The following LIN28B variants were observed in gnomAD, a reference collection of about 807,000 sequenced individuals.
The protein encoded by LIN28B is lin-28 RNA binding posttranscriptional regulator B.
A neutral mutation model predicts 21.9 loss-of-function variants in LIN28B; 5 were observed. That is an observed-to-expected ratio of 0.23 (90% CI 0.12 to 0.48). The LOEUF is 0.48. Ranked by LOEUF, LIN28B falls within the 20% of genes least tolerant of loss-of-function variation. The probability of loss-of-function intolerance (pLI) is 0.98; values close to 1 mark genes in which losing one functional copy is unlikely to be tolerated. For synonymous variants in LIN28B, 109 were observed against 111.3 expected (o/e 0.98, Z 0.13); for missense variants, 245 against 310.5 (o/e 0.79, Z 1.58).
At chr6:104,991,572 G>A (rs1360475969) in intron 2 of LIN28B, among the ~76,000 whole-genome samples, 1 of 152,034 alleles carries the variant, frequency 6.6e-6, no homozygotes, top group Non-Finnish European at 1.5e-5. Context: ...CAGAAGATGG[G>A]CGGCCGGGCA....
rs1255851109 is a variant in LIN28B, at chr6:105,079,619, T to G, written c.*836T>G. The G allele has an allele frequency of 6.6e-6, 1 of 152,620 alleles. No homozygotes were observed. Among genetic ancestry groups the G allele is most frequent in the African/African-American group, 2.4e-5 (1 of 41,442 alleles). The allele number at this position is 152,620 out of a possible 1,614,324, so 9.5% of individuals were successfully genotyped here. ...TTAGTGGCTTGTTTTCAGTAGTATT[T>G]TAATATCAGCTTCTTGTAACCTTTT... On this transcript the variant is annotated 3_prime_UTR_variant, in exon 4 of 4. Transcript: ENST00000345080.
At chr6:105,023,567 A>T (rs868657034) in intron 2 of LIN28B, among the ~76,000 whole-genome samples, 3 of 32,228 alleles carry the variant, frequency 9.3e-5, no homozygotes, top group African/African-American at 5.0e-4. Context: ...ATATATATAT[A>T]ATATATATAA....
intron 3 of LIN28B, among the ~76,000 whole-genome samples, chr6:105,027,411 T>A (rs1016793563): frequency 6.6e-6 from 1 of 152,108 alleles, no homozygotes; most frequent in Non-Finnish European, 1.5e-5. Context: ...GGAGGTTGAA[T>A]ATATTTTATA....
At chr6:104,967,294 A>C (rs1219630920) in intron 2 of LIN28B, among the ~76,000 whole-genome samples, 1 of 151,484 alleles carries the variant, frequency 6.6e-6, no homozygotes, top group Non-Finnish European at 1.5e-5. Flanking sequence ...AAATTTATTG[A>C]ATTGGCTGGG....
At chr6:105,032,841 A>T (rs1433578961) in intron 3 of LIN28B, among the ~76,000 whole-genome samples, 3 of 151,798 alleles carry the variant, frequency 2.0e-5, no homozygotes, top group African/African-American at 7.3e-5. Context: ...TTTTTGTGTC[A>T]CCCTCATATA....
intron 2 of LIN28B, among the ~76,000 whole-genome samples, chr6:104,947,072 A>C (rs1040043235): frequency 6.6e-6 from 1 of 152,162 alleles, no homozygotes; most frequent in African/African-American, 2.4e-5. Context: ...GTAATGTAGT[A>C]GTAATTTATT....
At position 105,004,362 on chromosome 6, in the gene LIN28B, T is replaced by C. The variant is rs190724104; in HGVS notation, c.199-21936T>C. On this transcript the variant is annotated intron_variant, in intron 2 of 3. Coordinates refer to ENST00000345080, the MANE Select transcript of LIN28B (RefSeq NM_001004317.4). ...CTAAGAAGGAAAAAGGAAAAGCAAT[T>C]TTATGCGCCTTTCCTCTCCACTCCC... 3.3e-5 allele frequency among the ~76,000 whole-genome samples: 5 copies of C among 152,292 alleles called. No homozygotes were observed. In the East Asian group the frequency reaches 9.6e-4, roughly 29 times the overall value.
chr6:105,068,065 A>G (rs1251843483), intron 3 of LIN28B, among the ~76,000 whole-genome samples: 1 of 152,170 alleles, frequency 6.6e-6, no homozygotes, highest in African/African-American at 2.4e-5. Flanking sequence ...ACTGTATTTT[A>G]GCTGGTTTTC....
At chr6:104,989,576 GTTTTTTTTTTTT>G (rs34394074) in intron 2 of LIN28B, among the ~76,000 whole-genome samples, 5 of 60,572 alleles carry the variant, frequency 8.3e-5, no homozygotes, top group South Asian at 8.7e-4. Context: ...TTTTACTTGG[GTTTTTTTTTTTT>G]TTTTTTTTTT....
At chr6:105,036,283 C>T (rs972718672) in intron 3 of LIN28B, among the ~76,000 whole-genome samples, 8 of 152,064 alleles carry the variant, frequency 5.3e-5, no homozygotes, top group East Asian at 3.9e-4. Context: ...GGCAGAGGCT[C>T]GAGTTGAATA....
At chr6:105,020,909 C>G (rs1463295561) in intron 2 of LIN28B, among the ~76,000 whole-genome samples, 1 of 151,872 alleles carries the variant, frequency 6.6e-6, no homozygotes, top group African/African-American at 2.4e-5. Flanking sequence ...CCCACCACCA[C>G]GCCCGGCTAA....
intron 2 of LIN28B, among the ~76,000 whole-genome samples, chr6:104,959,155 GCTTAATC>G (rs1562071752): frequency 6.6e-6 from 1 of 152,106 alleles, no homozygotes; most frequent in East Asian, 1.9e-4. Context: ...CCTCTCTACT[GCTTAATC>G]CCTTTATAGT....
Position 104,963,427 on chromosome 6 carries a change from T to C in LIN28B, c.198+5141T>C, listed in dbSNP as rs192000067. ...CTTTTGATTTTCAAGTGGTGGTGCA[T>C]TTCTCAGACTCTTTTTCATGTATTT... On this transcript the variant is annotated intron_variant, in intron 2 of 3. Transcript: ENST00000345080. 3.0e-3 allele frequency among the ~76,000 whole-genome samples: 458 copies of C among 152,316 alleles called. 4 individuals are homozygous for C. The highest frequency in any genetic ancestry group is 0.01 in the African/African-American group (426 of 41,584).
At chr6:104,974,749 A>T (rs1356791016) in intron 2 of LIN28B, among the ~76,000 whole-genome samples, 1 of 151,992 alleles carries the variant, frequency 6.6e-6, no homozygotes, top group African/African-American at 2.4e-5. Flanking sequence ...TATATGAAAG[A>T]TAAAAAAAAT....
intron 2 of LIN28B, among the ~76,000 whole-genome samples, chr6:105,017,371 C>T (rs1454750470): frequency 6.6e-6 from 1 of 152,118 alleles, no homozygotes; most frequent in Non-Finnish European, 1.5e-5. Context: ...TTTGTCTTCT[C>T]CCACCTCTTC....
chr6:104,950,759 T>C (rs1778212176), intron 3 of LIN28B, among the ~76,000 whole-genome samples: 1 of 150,358 alleles, frequency 6.7e-6, no homozygotes, highest in South Asian at 2.2e-4. Flanking sequence ...TTTAGCAGTA[T>C]TGTATTTTGT....
chr6:105,045,294 T>G (rs1771731869), intron 3 of LIN28B, among the ~76,000 whole-genome samples: 1 of 147,590 alleles, frequency 6.8e-6, no homozygotes, highest in South Asian at 2.2e-4. Flanking sequence ...GTTTTTTTTT[T>G]TTTTTTTTTG....
At chr6:105,003,662 G>A (rs1313512320) in intron 2 of LIN28B, among the ~76,000 whole-genome samples, 2 of 152,002 alleles carry the variant, frequency 1.3e-5, no homozygotes, top group South Asian at 2.1e-4. Flanking sequence ...ACAGGGGTGC[G>A]CCACCATGCC....
chr6:104,944,129 A>T (rs902556728), intron 2 of LIN28B, among the ~76,000 whole-genome samples: 3 of 151,036 alleles, frequency 2.0e-5, no homozygotes, highest in Non-Finnish European at 3.0e-5. Flanking sequence ...TATTTCATAA[A>T]TTTTTTTTTT....
Sources: gnomAD v4.1 joint callset for allele counts (sites outside exome capture counted in the v4.1 genomes callset) on GRCh38, gnomAD v4.1.1 for gene constraint, MANE v1.5 for transcripts, NCBI Gene and HGNC (gene_info 2026-07-23, HGNC 2026-07-21) for gene names.